DLG2: variants seen among roughly 807,000 people sequenced by gnomAD.
DLG2 encodes the protein disks large homolog 2.
DLG2 carries 45 observed loss-of-function variants against 132.5 expected under a neutral mutation model. That is an observed-to-expected ratio of 0.34 (90% CI 0.27 to 0.44). The LOEUF is 0.44. Among genes scored for constraint, DLG2 ranks in the 20% least tolerant of loss-of-function variants. The pLI is 1.00. For synonymous variants in DLG2, 424 were observed against 419.6 expected, an observed-to-expected ratio of 1.01 and a Z score of -0.13; for missense variants, 1,045 against 1,196.9, an observed-to-expected ratio of 0.87 and a Z score of 1.87.
At chr11:85,611,705 T>C (rs879312445) in intron 2 of DLG2, among the ~76,000 whole-genome samples, 14 of 152,266 alleles carry the variant, frequency 9.2e-5, no homozygotes, top group Non-Finnish European at 1.3e-4. Flanking sequence ...GATATGCTTA[T>C]CTAATCCTAC....
At chr11:84,450,624 TG>T (rs1222157827) in intron 7 of DLG2, among the ~76,000 whole-genome samples, 1 of 151,682 alleles carries the variant, frequency 6.6e-6, no homozygotes, top group Non-Finnish European at 1.5e-5. Flanking sequence ...AGGGGGATGA[TG>T]GTAGAAATAA....
chr11:83,761,926 T>G (rs751060640), intron 18 of DLG2, among the ~76,000 whole-genome samples: 1 of 152,154 alleles, frequency 6.6e-6, no homozygotes, highest in African/African-American at 2.4e-5. Context: ...AAATTTTCCC[T>G]TGAATCTCCC....
intron 6 of DLG2, among the ~76,000 whole-genome samples, chr11:85,009,512 A>G (rs1411399775): frequency 6.6e-6 from 1 of 152,090 alleles, no homozygotes; most frequent in African/African-American, 2.4e-5. Context: ...AATCAGACAA[A>G]TAAGAGAAAA....
chr11:84,570,950 A>G (rs764718526), intron 6 of DLG2, among the ~76,000 whole-genome samples: 2 of 152,176 alleles, frequency 1.3e-5, no homozygotes, highest in African/African-American at 4.8e-5. Flanking sequence ...GGTTGGAGGA[A>G]AATCTGTCTT....
intron 19 of DLG2, among the ~76,000 whole-genome samples, chr11:83,549,851 A>G (rs769008291): frequency 2.0e-5 from 3 of 152,212 alleles, no homozygotes; most frequent in Non-Finnish European, 2.9e-5. Context: ...CCTGGCTTCA[A>G]CATAATTCAC....
chr11:84,283,226 C>T (rs2097871308), intron 7 of DLG2, among the ~76,000 whole-genome samples: 1 of 152,118 alleles, frequency 6.6e-6, no homozygotes, highest in Admixed American at 6.6e-5. Flanking sequence ...CATGGCATCC[C>T]CATGAAGGTC....
At chr11:84,002,748 T>C (rs1250923689) in intron 11 of DLG2, among the ~76,000 whole-genome samples, 1 of 152,318 alleles carries the variant, frequency 6.6e-6, no homozygotes, top group Non-Finnish European at 1.5e-5. Flanking sequence ...GCCATGAAGA[T>C]GTCCAACATG....
intron 6 of DLG2, among the ~76,000 whole-genome samples, chr11:84,975,536 T>A (rs1025913493): frequency 2.6e-5 from 4 of 152,178 alleles, no homozygotes; most frequent in Non-Finnish European, 5.9e-5. Context: ...TTAGAAATAT[T>A]CAAGGAGAAT....
intron 3 of DLG2, among the ~76,000 whole-genome samples, chr11:85,286,477 A>G (rs2078565508): frequency 6.6e-6 from 1 of 152,134 alleles, no homozygotes; most frequent in Non-Finnish European, 1.5e-5. Context: ...GCCTAGAAGC[A>G]ATGATGCCAT....
chr11:84,617,858 T>C (rs1454894268), intron 6 of DLG2, among the ~76,000 whole-genome samples: 1 of 152,174 alleles, frequency 6.6e-6, no homozygotes, highest in South Asian at 2.1e-4. Flanking sequence ...AATCAAGGAA[T>C]AAACAAAAGC....
chr11:84,165,622 C>T (rs1021455994), intron 8 of DLG2, among the ~76,000 whole-genome samples: 5 of 152,046 alleles, frequency 3.3e-5, no homozygotes, highest in East Asian at 1.9e-4. Context: ...CAAAGCATCC[C>T]GGCTGGGTGG....
At chr11:84,195,842 T>C (rs1218392218) in intron 8 of DLG2, among the ~76,000 whole-genome samples, 1 of 152,200 alleles carries the variant, frequency 6.6e-6, no homozygotes, top group Non-Finnish European at 1.5e-5. Flanking sequence ...TGTGTGTGTT[T>C]GTTTATTTAA....
At position 85,591,650 on chromosome 11, in the gene DLG2, G is replaced by A. The variant is rs1406949190; in HGVS notation, c.40+7007C>T. ...CCCAGTTACTCAGGAGGCTGAGGCAGAAGAATCCCTTGAATGGGAGGTGGA... is the reference window on the plus strand; with the variant it reads ...CCCAGTTACTCAGGAGGCTGAGGCAAAAGAATCCCTTGAATGGGAGGTGGA... On this transcript the variant is annotated intron_variant, in intron 3 of 27. Transcript: ENST00000376104. Among the ~76,000 whole-genome samples the A allele has an allele frequency of 3.3e-5, 5 of 152,192 alleles. 1 individual carries two copies. The highest frequency in any genetic ancestry group is 2.0e-4 in the Admixed American group (3 of 15,282).
intron 18 of DLG2, among the ~76,000 whole-genome samples, chr11:83,633,756 A>ACC: frequency 6.9e-6 from 1 of 144,768 alleles, no homozygotes; most frequent in Middle Eastern, 3.4e-3. Flanking sequence ...ACACACACAC[A>ACC]CACACACACA....
chr11:84,714,708 A>G (rs1596355371), intron 6 of DLG2, among the ~76,000 whole-genome samples: 1 of 124,732 alleles, frequency 8.0e-6, no homozygotes, highest in South Asian at 2.4e-4. Context: ...TTCCCTTCCC[A>G]TCTTTCCCTT....
intron 4 of DLG2, among the ~76,000 whole-genome samples, chr11:85,178,435 A>G (rs907318587): frequency 1.8e-4 from 27 of 151,980 alleles, no homozygotes; most frequent in Non-Finnish European, 3.1e-4. Flanking sequence ...ATAAATAAAT[A>G]GTTTTTAAAA....
At chr11:85,077,607 T>C (rs1272482356) in intron 6 of DLG2, among the ~76,000 whole-genome samples, 1 of 151,482 alleles carries the variant, frequency 6.6e-6, no homozygotes, top group African/African-American at 2.4e-5. Context: ...AATCTATAGG[T>C]TAAAAATACA....
At chr11:84,271,949 CAAAAAAAAAA>C (rs71036417) in intron 7 of DLG2, among the ~76,000 whole-genome samples, 2 of 77,792 alleles carry the variant, frequency 2.6e-5, no homozygotes, top group Non-Finnish European at 5.2e-5. Context: ...TTGATAATAA[CAAAAAAAAAA>C]AAAAAAAAAA....
At chr11:83,984,543 C>T (rs1056622844) in intron 11 of DLG2, among the ~76,000 whole-genome samples, 1 of 152,122 alleles carries the variant, frequency 6.6e-6, no homozygotes, top group African/African-American at 2.4e-5. Flanking sequence ...AAATATCTAT[C>T]TGTGCTATAA....
Sources: gnomAD v4.1 joint callset for allele counts (sites outside exome capture counted in the v4.1 genomes callset) on GRCh38, gnomAD v4.1.1 for gene constraint, MANE v1.5 for transcripts, NCBI Gene and HGNC (gene_info 2026-07-23, HGNC 2026-07-21) for gene names.